The following BCL2L14 variants were observed in gnomAD, a reference collection of about 807,000 sequenced individuals.
BCL2L14 encodes the protein apoptosis facilitator Bcl-2-like protein 14.
BCL2L14 carries 27 observed loss-of-function variants against 35.3 expected under a neutral mutation model. That is an observed-to-expected ratio of 0.76 (90% confidence interval 0.56 to 1.05). The LOEUF (loss-of-function observed/expected upper bound fraction) is 1.05. BCL2L14 is among the 50% of genes least tolerant of loss of function. The pLI, the probability that BCL2L14 is intolerant of heterozygous loss-of-function variation, is 0.00. For synonymous variants in BCL2L14, 139 were observed against 145.9 expected, an observed-to-expected ratio of 0.95 and a Z score of 0.34; for missense variants, 377 against 382.6, an observed-to-expected ratio of 0.99 and a Z score of 0.12.
chr12:12,092,283 C>G (rs1949205909), intron 4 of BCL2L14, among the ~76,000 whole-genome samples: 1 of 152,212 alleles, frequency 6.6e-6, no homozygotes, highest in Non-Finnish European at 1.5e-5. Flanking sequence ...TTACCACTTT[C>G]AAAAACCTCA....
At chr12:12,061,894 T>C (rs987875078) in intron 2 of BCL2L14, among the ~76,000 whole-genome samples, 4 of 152,186 alleles carry the variant, frequency 2.6e-5, no homozygotes, top group Non-Finnish European at 5.9e-5. Context: ...CAATCCCTTA[T>C]AAAACAACAA....
At chr12:12,082,030 CA>C (rs1244888796) in intron 2 of BCL2L14, among the ~76,000 whole-genome samples, 1 of 152,292 alleles carries the variant, frequency 6.6e-6, no homozygotes, top group East Asian at 1.9e-4. Context: ...TCACTATGAT[CA>C]AGGAAACTCC....
At chr12:12,097,038 G>C (rs1432802329) in intron 5 of BCL2L14, among the ~76,000 whole-genome samples, 2 of 152,166 alleles carry the variant, frequency 1.3e-5, no homozygotes, top group South Asian at 2.1e-4. Flanking sequence ...CAGCTACTCA[G>C]GGGGGCTGAG....
chr12:12,062,978 G>A (rs1007643129), intron 2 of BCL2L14, among the ~76,000 whole-genome samples: 24 of 152,258 alleles, frequency 1.6e-4, no homozygotes, highest in East Asian at 7.7e-4. Flanking sequence ...TACCACTTTC[G>A]CTTCTCAGAA....
chr12:12,086,361 A>C lies in BCL2L14; in HGVS notation c.434-852A>C, dbSNP rs138820213. 5.9e-5 allele frequency among the ~76,000 whole-genome samples: 9 copies of C among 152,224 alleles called. 1 individual carries two copies. Among genetic ancestry groups the C allele is most frequent in the African/African-American group, 2.2e-4 (9 of 41,532 alleles). On this transcript the variant is annotated intron_variant, in intron 2 of 5. Coordinates refer to ENST00000308721, the MANE Select transcript of BCL2L14 (RefSeq NM_138723.2). ...AATAAAAGGTTAGAACTTAGTGACAAATCAACAGTGAAAATTTTACCACCC... is the reference window on the plus strand; with the variant it reads ...AATAAAAGGTTAGAACTTAGTGACACATCAACAGTGAAAATTTTACCACCC...
intron 5 of BCL2L14, among the ~76,000 whole-genome samples, chr12:12,098,699 C>G (rs1338815339): frequency 6.6e-6 from 1 of 152,134 alleles, no homozygotes; most frequent in Non-Finnish European, 1.5e-5. Flanking sequence ...TTTAAATACA[C>G]CCTTGAAGCC....
chr12:12,095,863 T>C (rs1949303098), intron 5 of BCL2L14: 2 of 985,300 alleles, frequency 2.0e-6, no homozygotes, highest in African/African-American at 1.7e-5. Flanking sequence ...TTTCTGTACA[T>C]TGAGTTCCTT....
chr12:12,097,819 AAAGAT>A (rs1356070555), intron 5 of BCL2L14, among the ~76,000 whole-genome samples: 1 of 152,204 alleles, frequency 6.6e-6, no homozygotes, highest in Non-Finnish European at 1.5e-5. Flanking sequence ...AGAAAAAAAA[AAAGAT>A]GAATTATTCA....
intron 1 of BCL2L14, among the ~76,000 whole-genome samples, chr12:12,073,293 C>G (rs1371823845): frequency 6.6e-6 from 1 of 152,234 alleles, no homozygotes; most frequent in Non-Finnish European, 1.5e-5. Flanking sequence ...TGTAGGGTAG[C>G]CTCCTTCTGG....
At position 12,075,048 on chromosome 12, in the gene BCL2L14, C is replaced by T. The variant is rs554059191; in HGVS notation, c.-8+3911C>T. On this transcript the variant is annotated intron_variant, in intron 1 of 5. Transcript: ENST00000308721. ...ATCTTTATACAGTATGTTTGAATTACGATTTAATAAAGATCCACTCATGAC... is the reference window on the plus strand; with the variant it reads ...ATCTTTATACAGTATGTTTGAATTATGATTTAATAAAGATCCACTCATGAC... Among the ~76,000 whole-genome samples, 7 of 152,126 alleles carry T rather than the reference C, an allele frequency of 4.6e-5. No individual in the cohort carries two copies. In the South Asian group the frequency reaches 6.2e-4, roughly 14 times the overall value.
At chr12:12,089,061 T>C (rs10845475) in intron 3 of BCL2L14, among the ~76,000 whole-genome samples, 24,101 of 152,206 alleles carry the variant, frequency 0.16, 2,053 homozygotes, top group African/African-American at 0.21. Flanking sequence ...AGACAGATCT[T>C]ACTCAGTGTA....
At chr12:12,058,974 C>T (rs1232850830) in intron 2 of BCL2L14, among the ~76,000 whole-genome samples, 2 of 152,242 alleles carry the variant, frequency 1.3e-5, no homozygotes, top group Admixed American at 1.3e-4. Context: ...CCCTAACCCT[C>T]AGCCTCTTTC....
At chr12:12,069,141 T>C (rs1028227770), upstream of BCL2L14, among the ~76,000 whole-genome samples, 2 of 152,182 alleles carry the variant, frequency 1.3e-5, no homozygotes, top group African/African-American at 4.8e-5. Context: ...TTGGTTTTGA[T>C]AGATTTGGGC....
intron 2 of BCL2L14, among the ~76,000 whole-genome samples, chr12:12,061,601 TC>T (rs1190820999): frequency 2.3e-4 from 35 of 152,164 alleles, no homozygotes; most frequent in African/African-American, 7.7e-4. Flanking sequence ...CCTCAATACG[TC>T]CCTCCACAAC....
chr12:12,076,760 C>A (rs1417672027), intron 1 of BCL2L14, among the ~76,000 whole-genome samples: 2 of 152,118 alleles, frequency 1.3e-5, no homozygotes, highest in Admixed American at 1.3e-4. Context: ...TCGCTATCAG[C>A]CAATGTGAGC....
chr12:12,067,791 C>G (rs1223547538), upstream of BCL2L14, among the ~76,000 whole-genome samples: 1 of 152,192 alleles, frequency 6.6e-6, no homozygotes. Flanking sequence ...TGTTTAATAT[C>G]TAACATGTGT....
At chr12:12,077,537 CAA>C (rs58644458) in intron 1 of BCL2L14, among the ~76,000 whole-genome samples, 9 of 113,114 alleles carry the variant, frequency 8.0e-5, no homozygotes, top group Admixed American at 9.8e-5. Context: ...AACTGAGTCT[CAA>C]AAAAAAAAAA....
At chr12:12,097,444 T>C (rs1164471572) in intron 5 of BCL2L14, among the ~76,000 whole-genome samples, 1 of 152,230 alleles carries the variant, frequency 6.6e-6, no homozygotes, top group Non-Finnish European at 1.5e-5. Context: ...AAAAAGGCCA[T>C]ATACTGTATG....
At position 12,060,382 on chromosome 12, in the gene BCL2L14, C is replaced by T. The variant is rs1005172502; in HGVS notation, c.-272+8535C>T. On this transcript the variant is annotated intron_variant, in intron 2 of 3. Transcript: ENST00000461264. ...CCCTGAGACACTTTACAGCCCTAGA[C>T]CCTAAAAGGTCAAAAGGCCGTCTTA... is the stretch of plus-strand genomic sequence containing the variant. Among the ~76,000 whole-genome samples, 183 of 84,660 alleles carry T rather than the reference C, an allele frequency of 2.2e-3. 1 individual carries two copies. Among genetic ancestry groups the T allele is most frequent in the African/African-American group, 8.5e-3 (174 of 20,364 alleles). The allele number at this position is 84,660 out of a possible 152,430, so 55.5% of individuals were successfully genotyped here.
Sources: allele counts gnomAD v4.1 joint callset (sites outside exome capture counted in the v4.1 genomes callset), GRCh38; gene constraint gnomAD v4.1.1; transcripts MANE v1.5; gene names NCBI Gene and HGNC (gene_info 2026-07-23, HGNC 2026-07-21).